Variants in FTCDNL1 observed in about 807,000 individuals in gnomAD.
FTCDNL1 encodes the protein formiminotransferase N-terminal subdomain-containing protein.
A neutral mutation model predicts 5.9 loss-of-function variants in FTCDNL1; 11 were observed. That is an observed-to-expected ratio of 1.87 (90% CI 1.18 to 3.10). FTCDNL1 has a LOEUF of 3.10. Among genes scored for constraint, FTCDNL1 ranks in the 30% most tolerant of loss-of-function variants. FTCDNL1 has a pLI of 0.00. For synonymous variants in FTCDNL1, 58 were observed against 24.8 expected (o/e 2.34, Z -3.99); for missense variants, 115 against 65.5 (o/e 1.76, Z -2.61).
the FTCDNL1 span, among the ~76,000 whole-genome samples, chr2:199,671,152 G>C: frequency 1.4e-4 from 17 of 123,094 alleles, no homozygotes; most frequent in Non-Finnish European, 1.1e-4. Flanking sequence ...CATAATATCT[G>C]TATTAAATCC....
At chr2:199,848,425 ATT>A (rs1385740081) in intron 2 of FTCDNL1, among the ~76,000 whole-genome samples, 1 of 152,208 alleles carries the variant, frequency 6.6e-6, no homozygotes, top group Non-Finnish European at 1.5e-5. Context: ...AGTAGTTGGT[ATT>A]TGGCAAGTTT....
intron 3 of FTCDNL1, among the ~76,000 whole-genome samples, chr2:199,767,821 G>A (rs1698607629): frequency 6.6e-6 from 1 of 152,134 alleles, no homozygotes; most frequent in Non-Finnish European, 1.5e-5. Context: ...GTGAGAAGTA[G>A]GTTTCTGTTA....
chr2:199,844,114 G>A (rs571981855), intron 3 of FTCDNL1, among the ~76,000 whole-genome samples: 3 of 151,628 alleles, frequency 2.0e-5, no homozygotes, highest in Admixed American at 1.3e-4. Flanking sequence ...AACTGCTATT[G>A]TTTCCTCAAG....
At chr2:199,778,446 T>G (rs1054777694) in intron 3 of FTCDNL1, among the ~76,000 whole-genome samples, 6 of 152,062 alleles carry the variant, frequency 3.9e-5, no homozygotes, top group African/African-American at 1.2e-4. Flanking sequence ...TAAGGTAAAA[T>G]ACAAATGCTG....
At chr2:199,815,534 C>T (rs1230640179) in intron 4 of FTCDNL1, among the ~76,000 whole-genome samples, 1 of 151,778 alleles carries the variant, frequency 6.6e-6, no homozygotes, top group Non-Finnish European at 1.5e-5. Context: ...TTAGGAAACA[C>T]TGACATAACC....
chr2:199,719,895 A>G, the FTCDNL1 span, among the ~76,000 whole-genome samples: 1 of 152,194 alleles, frequency 6.6e-6, no homozygotes, highest in Non-Finnish European at 1.5e-5. Context: ...ATCCATGAGC[A>G]TGAAATGTTT....
downstream of FTCDNL1, among the ~76,000 whole-genome samples, chr2:199,805,288 A>C (rs1331440975): frequency 1.3e-5 from 2 of 152,188 alleles, no homozygotes; most frequent in East Asian, 3.8e-4. Flanking sequence ...TGTGGTTTGC[A>C]GAGTCCCAGG....
the FTCDNL1 span, among the ~76,000 whole-genome samples, chr2:199,678,084 G>T: frequency 1.3e-5 from 2 of 152,210 alleles, no homozygotes; most frequent in African/African-American, 4.8e-5. Context: ...GAAATATGTC[G>T]AAAGACAAAC....
chr2:199,719,054 C>T, the FTCDNL1 span, among the ~76,000 whole-genome samples: 2 of 151,968 alleles, frequency 1.3e-5, no homozygotes, highest in South Asian at 2.1e-4. Context: ...TTAATTAAGT[C>T]CCATTTGTCT....
the FTCDNL1 span, among the ~76,000 whole-genome samples, chr2:199,688,541 C>T: frequency 7.3e-4 from 111 of 152,152 alleles, no homozygotes; most frequent in Non-Finnish European, 1.1e-3. Flanking sequence ...TCACTCACAC[C>T]GATAATGGTA....
the FTCDNL1 span, among the ~76,000 whole-genome samples, chr2:199,702,583 C>T: frequency 6.6e-6 from 1 of 152,154 alleles, no homozygotes; most frequent in Non-Finnish European, 1.5e-5. Flanking sequence ...AAATACAGTT[C>T]CTTCTTCCAT....
chr2:199,821,651 C>A (rs948228500), intron 3 of FTCDNL1, among the ~76,000 whole-genome samples: 1 of 151,728 alleles, frequency 6.6e-6, no homozygotes, highest in Non-Finnish European at 1.5e-5. Flanking sequence ...TTTTAGTAAA[C>A]GGAGTTTCAC....
chr2:199,722,126 C>T, the FTCDNL1 span, among the ~76,000 whole-genome samples: 2 of 152,070 alleles, frequency 1.3e-5, no homozygotes, highest in African/African-American at 2.4e-5. Flanking sequence ...AGCTCTTTAG[C>T]TTAATTAGAT....
At chr2:199,702,021 T>C in the FTCDNL1 span, among the ~76,000 whole-genome samples, 1 of 151,792 alleles carries the variant, frequency 6.6e-6, no homozygotes, top group Admixed American at 6.6e-5. Flanking sequence ...GGTGACAGAG[T>C]AAGACTGTCT....
the FTCDNL1 span, among the ~76,000 whole-genome samples, chr2:199,750,475 A>G: frequency 1.3e-5 from 2 of 152,206 alleles, no homozygotes; most frequent in Non-Finnish European, 2.9e-5. Flanking sequence ...GTCAGGGGGG[A>G]AAAGGTTGTT....
downstream of FTCDNL1, among the ~76,000 whole-genome samples, chr2:199,757,329 G>T (rs77137304): frequency 2.6e-3 from 397 of 152,284 alleles, 18 homozygotes; most frequent in Non-Finnish European, 2.1e-3. Flanking sequence ...AAGGAAAGGG[G>T]TGCCACTAGA....
intron 3 of FTCDNL1, among the ~76,000 whole-genome samples, chr2:199,796,672 A>G (rs975966659): frequency 6.6e-6 from 1 of 152,166 alleles, no homozygotes; most frequent in African/African-American, 2.4e-5. Context: ...TGTGACTGAC[A>G]CAGTCTCTGC....
chr2:199,787,872 A>C (rs1280108399), intron 3 of FTCDNL1, among the ~76,000 whole-genome samples: 1 of 152,188 alleles, frequency 6.6e-6, no homozygotes, highest in Non-Finnish European at 1.5e-5. Flanking sequence ...AAAATACATA[A>C]ATGTATATGA....
the FTCDNL1 span, among the ~76,000 whole-genome samples, chr2:199,747,026 AACACACACACACACACACAC>A: frequency 1.4e-5 from 2 of 145,826 alleles, no homozygotes; most frequent in African/African-American, 5.1e-5. Context: ...GTTTATTTAA[AACACACACACACACACACAC>A]ACACACACAC....
Sources: gnomAD v4.1 joint callset for allele counts (sites outside exome capture counted in the v4.1 genomes callset) on GRCh38, gnomAD v4.1.1 for gene constraint, MANE v1.5 for transcripts, NCBI Gene and HGNC (gene_info 2026-07-23, HGNC 2026-07-21) for gene names.